KIF7: variants seen among roughly 807,000 people sequenced by gnomAD.
The protein encoded by KIF7 is kinesin-like protein KIF7.
KIF7 carries 104 observed loss-of-function variants against 135.7 expected under a neutral mutation model. That is an observed-to-expected ratio of 0.77 (90% CI 0.65 to 0.90). KIF7 has a LOEUF of 0.90. KIF7 is among the 40% of genes least tolerant of loss of function. The probability of loss-of-function intolerance (pLI) is 0.00; values close to 1 mark genes in which losing one functional copy is unlikely to be tolerated. For missense variants in KIF7, 2,005 were observed against 1,839.1 expected (o/e 1.09, Z -1.65); for synonymous variants, 883 against 809.4 (o/e 1.09, Z -1.54).
intron 14 of KIF7, among the ~76,000 whole-genome samples, chr15:89,632,480 A>T (rs1256570561): frequency 6.6e-6 from 1 of 152,154 alleles, no homozygotes; most frequent in Non-Finnish European, 1.5e-5. Context: ...TGGAGGATGG[A>T]CACTTAAGAG....
downstream of KIF7, chr15:89,625,982 C>T (rs1396977054): frequency 1.9e-6 from 3 of 1,605,908 alleles, no homozygotes; most frequent in Non-Finnish European, 1.7e-6. Flanking sequence ...GCCTCTCTGC[C>T]AGTGCCCTCC....
rs1481067037 is a variant in KIF7 at position 89,628,588 on chromosome 15, C to T, written c.3863G>A (p.Gly1288Glu). ...CCGCTGCCTCAGTTCCTCGGGGGAC[C>T]CCTGCTCCTCACCACACAGGCTCGA... is the stretch of plus-strand genomic sequence containing the variant. The part of the protein sequence containing the change: ...KRSSLCGEEQ[G>E]SPEELRQREA... The change falls in exon 19 of 19, where the codon GGG becomes GAG. Residue 1288 changes from glycine to glutamate, a missense_variant. Transcript: ENST00000394412. 1 of 1,613,398 alleles carries T rather than the reference C, an allele frequency of 6.2e-7. No homozygotes were observed. The highest frequency in any genetic ancestry group is 2.2e-5 in the East Asian group (1 of 44,876).
chr15:89,621,539 G>A, intron 1 of KIF7: 1 of 1,611,572 alleles, frequency 6.2e-7, no homozygotes, highest in Non-Finnish European at 8.5e-7. Flanking sequence ...GGAGGTACCT[G>A]CAGCTTACCA....
rs769540024 is a variant in KIF7, at chr15:89,631,676, C to T, written c.2930G>A (p.Arg977Gln). 1.0e-5 allele frequency: 16 copies of T among 1,557,920 alleles called. No individual in the cohort carries two copies. Among genetic ancestry groups the T allele is most frequent in the Admixed American group, 5.7e-5 (3 of 52,812 alleles). Residue 977 changes from arginine to glutamine, a missense_variant, in exon 15 of 19, where the codon CGG (arginine) becomes CAG (glutamine). By Grantham distance (43) the Arg-to-Gln change is conservative. Transcript: ENST00000394412. ...CAGCTCCTTCTCCAGGTGCTCCAGC[C>T]GGCTGGACACTCGCACGATGTCCTC... Reference protein sequence around the residue: ...LNEDIVRVSSRLEHLEKELSE... With the variant: ...LNEDIVRVSSQLEHLEKELSE...
At chr15:89,633,074 G>A (rs1311392736) in intron 13 of KIF7, 67 bp downstream of exon 13, 1 of 1,599,998 alleles carries the variant, frequency 6.3e-7, no homozygotes, top group East Asian at 2.2e-5. Flanking sequence ...AGGTTCACTG[G>A]GGAGAAAGGT....
intron 6 of KIF7, 26 bp from the exon 7 acceptor site, chr15:89,647,083 G>A (rs773516372): frequency 2.6e-6 from 4 of 1,549,674 alleles, no homozygotes; most frequent in Non-Finnish European, 8.7e-7. Flanking sequence ...CAGGTGCCAA[G>A]GGGGCATGAA....
intron 11 of KIF7, among the ~76,000 whole-genome samples, chr15:89,637,417 A>G (rs1963832141): frequency 6.6e-6 from 1 of 152,044 alleles, no homozygotes; most frequent in Non-Finnish European, 1.5e-5. Context: ...GATCAACAAA[A>G]TTGATAGACC....
chr15:89,618,169 C>T (rs768152226), exon 2 of KIF7: 3 of 1,613,994 alleles, frequency 1.9e-6, no homozygotes, highest in South Asian at 1.1e-5. Context: ...GATCCTGGTC[C>T]TGATATTGGT....
chr15:89,626,176 G>C, downstream of KIF7: 1 of 1,207,794 alleles, frequency 8.3e-7, no homozygotes, highest in Non-Finnish European at 1.2e-6. Flanking sequence ...TGTGGGATAG[G>C]TGACTTCGCG....
chr15:89,647,959 A>T (rs1964045907), intron 5 of KIF7, among the ~76,000 whole-genome samples: 1 of 152,168 alleles, frequency 6.6e-6, no homozygotes, highest in African/African-American at 2.4e-5. Flanking sequence ...TATTATTAGG[A>T]ACAATTTACT....
chr15:89,643,194 C>A (rs1963953485), intron 10 of KIF7, among the ~76,000 whole-genome samples: 1 of 152,192 alleles, frequency 6.6e-6, no homozygotes, highest in Non-Finnish European at 1.5e-5. Flanking sequence ...TGGGTTCAAC[C>A]AACCATGGAT....
At chr15:89,617,770 C>T (rs897737311) in intron 2 of KIF7, among the ~76,000 whole-genome samples, 2 of 150,390 alleles carry the variant, frequency 1.3e-5, no homozygotes, top group African/African-American at 4.9e-5. Flanking sequence ...TGGCTCACTG[C>T]AACGTCTGCC....
intron 11 of KIF7, among the ~76,000 whole-genome samples, 158 bp from the exon 12 acceptor site, chr15:89,634,041 G>A (rs1963747678): frequency 1.3e-5 from 2 of 152,226 alleles, no homozygotes; most frequent in Non-Finnish European, 2.9e-5. Flanking sequence ...GCTCACGTCT[G>A]TAATCCCAGC....
chr15:89,630,504 G>GT lies in KIF7; in HGVS notation c.3112-12_3112-11insA. ...CAGCGTCCGCTCCTCCTGCAGAGAC[G>GT]GGCACGCGTGGAGGAACAGCACCCA... On this transcript the variant is annotated splice_polypyrimidine_tract_variant and intron_variant, in intron 15 of 18. Coordinates refer to ENST00000394412, the MANE Select transcript of KIF7 (RefSeq NM_198525.3). The GT allele has an allele frequency of 9.9e-7, 1 of 1,009,890 alleles. No individual in the cohort carries two copies. 62.6% of individuals were successfully genotyped at this position (1,009,890 alleles called of 1,614,324 possible).
At chr15:89,625,455 G>A (rs1374975947), downstream of KIF7, 2 of 1,613,970 alleles carry the variant, frequency 1.2e-6, no homozygotes, top group Non-Finnish European at 8.5e-7. Flanking sequence ...GCCTGTCACT[G>A]CTTGAGTCAG....
downstream of KIF7, chr15:89,625,030 C>A (rs1302873022): frequency 6.8e-6 from 11 of 1,613,906 alleles, no homozygotes; most frequent in Non-Finnish European, 9.3e-6. Flanking sequence ...TCCCAAACTT[C>A]GAATTAAGAA....
At chr15:89,638,422 C>T (rs937887632) in intron 11 of KIF7, among the ~76,000 whole-genome samples, 2 of 149,498 alleles carry the variant, frequency 1.3e-5, no homozygotes, top group Admixed American at 6.7e-5. Flanking sequence ...CCAAAATCTC[C>T]TTAAGCTGAT....
chr15:89,657,328 A>AAAAAAG (rs533315174), upstream of KIF7, among the ~76,000 whole-genome samples: 572 of 127,784 alleles, frequency 4.5e-3, 8 homozygotes, highest in Non-Finnish European at 6.2e-3. Context: ...AAAAAAAAAA[A>AAAAAAG]AGAGAGAGAG....
chr15:89,623,956 G>A (rs964369758), downstream of KIF7: 2 of 1,613,934 alleles, frequency 1.2e-6, no homozygotes, highest in African/African-American at 2.7e-5. Context: ...GCCACATTCA[G>A]TGAATTCCAG....
Sources: gnomAD v4.1 joint callset for allele counts (sites outside exome capture counted in the v4.1 genomes callset) on GRCh38, gnomAD v4.1.1 for gene constraint, MANE v1.5 for transcripts, NCBI Gene and HGNC (gene_info 2026-07-23, HGNC 2026-07-21) for gene names.